Variants in PCDHGA5 observed in about 807,000 individuals in gnomAD.
The protein encoded by PCDHGA5 is protocadherin gamma-A5.
In PCDHGA5, 36 loss-of-function variants were observed where a neutral mutation model predicts 56.7. The ratio of observed to expected loss-of-function variants is 0.64; its 90% CI spans 0.49 to 0.84. PCDHGA5 has a LOEUF of 0.84. Among genes scored for constraint, PCDHGA5 ranks in the 40% least tolerant of loss-of-function variants. PCDHGA5 has a pLI of 0.00. For missense variants in PCDHGA5, 1,305 were observed against 1,201.5 expected (o/e 1.09, Z -1.27); for synonymous variants, 563 against 520.2 (o/e 1.08, Z -1.12).
At chr5:141,393,820 C>T (rs2092851099) in intron 1 of PCDHGA5, 1 of 1,613,918 alleles carries the variant, frequency 6.2e-7, no homozygotes, top group Non-Finnish European at 8.5e-7. Context: ...TTGCTCATTT[C>T]GGTGGAAGAT....
chr5:141,371,512 A>C, intron 1 of PCDHGA5: 2 of 1,613,868 alleles, frequency 1.2e-6, no homozygotes, highest in African/African-American at 2.7e-5. Flanking sequence ...AAAACACATG[A>C]TCTAGATTCT....
At chr5:141,467,704 C>T (rs2099149502) in intron 1 of PCDHGA5, among the ~76,000 whole-genome samples, 2 of 152,174 alleles carry the variant, frequency 1.3e-5, no homozygotes. Flanking sequence ...CTCTGTTGCC[C>T]AGGCTGGAGT....
Position 141,365,198 on chromosome 5 carries a change from G to A in PCDHGA5, c.868G>A (p.Glu290Lys). 1 of 1,613,856 alleles carries A rather than the reference G, an allele frequency of 6.2e-7. No individual in the cohort carries two copies. Among genetic ancestry groups the A allele is most frequent in the Non-Finnish European group, 8.5e-7 (1 of 1,179,888 alleles). ...SFRNEEEKIS[E>K]TFQLDSNLGE... ...TCGCAATGAAGAAGAAAAAATTTCG[G>A]AGACTTTCCAACTTGATTCCAACCT... is the stretch of plus-strand genomic sequence containing the variant. Residue 290 changes from glutamate (E) to lysine (K), a missense_variant, in exon 1 of 4, where the codon GAG (glutamate) becomes AAG (lysine). Coordinates refer to ENST00000518069, the MANE Select transcript of PCDHGA5 (RefSeq NM_018918.3).
At chr5:141,404,532 A>G in intron 1 of PCDHGA5, 1 of 1,613,918 alleles carries the variant, frequency 6.2e-7, no homozygotes, top group Non-Finnish European at 8.5e-7. Context: ...CAGTTTAGAG[A>G]TTTGCAAATG....
intron 1 of PCDHGA5, chr5:141,389,407 A>C: frequency 6.2e-7 from 1 of 1,613,616 alleles, no homozygotes; most frequent in Non-Finnish European, 8.5e-7. Flanking sequence ...ATAAGCGCGG[A>C]GAGCGGGGTG....
At chr5:141,483,918 T>G (rs2099588800) in intron 1 of PCDHGA5, among the ~76,000 whole-genome samples, 1 of 150,512 alleles carries the variant, frequency 6.6e-6, no homozygotes, top group Non-Finnish European at 1.5e-5. Flanking sequence ...CCACTCAGAT[T>G]GCAGGTCGTA....
rs771744120 is a variant in PCDHGA5 at position 141,485,876 on chromosome 5, G to A, written c.2422-8931G>A. ...AGAGCTCCGGGTATCCGTGCTGGAC[G>A]TAAACGACAACGCCCCAGCCTTCCA... On this transcript the variant is annotated intron_variant, in intron 1 of 3. Transcript: ENST00000518069. This position sits in a 1 kb window ranked among gnomAD's most constrained non-coding sequence, Gnocchi z 5.7. 1 of 1,614,174 alleles carries A rather than the reference G, an allele frequency of 6.2e-7. No homozygotes were observed. Among genetic ancestry groups the A allele is most frequent in the Non-Finnish European group, 8.5e-7 (1 of 1,180,030 alleles).
chr5:141,392,916 G>A, intron 1 of PCDHGA5: 1 of 1,613,936 alleles, frequency 6.2e-7, no homozygotes, highest in Non-Finnish European at 8.5e-7. Context: ...TCGCTACTCT[G>A]TGCCAGAAGA....
Position 141,364,793 on chromosome 5 carries a change from C to T in PCDHGA5, c.463C>T (p.Pro155Ser). ...GGCTGCAGGGACACGGTTAGTGCTTCCCTTCGCGCGGGATGCGGATGTGGG... is the reference window on the plus strand; with the variant it reads ...GGCTGCAGGGACACGGTTAGTGCTTTCCTTCGCGCGGGATGCGGATGTGGG... ...NAAAGTRLVL[P>S]FARDADVGVN... Residue 155 changes from proline (P) to serine (S), a missense_variant, in exon 1 of 4, where the codon CCC becomes TCC. Coordinates refer to ENST00000518069, the MANE Select transcript of PCDHGA5 (RefSeq NM_018918.3). 1 of 1,614,028 alleles carries T rather than the reference C, an allele frequency of 6.2e-7. No individual in the cohort carries two copies.
intron 1 of PCDHGA5, among the ~76,000 whole-genome samples, chr5:141,463,179 A>G (rs1261927835): frequency 6.6e-6 from 1 of 152,082 alleles, no homozygotes; most frequent in Non-Finnish European, 1.5e-5. Context: ...GTATGCTCAG[A>G]TTATTATTTA....
intron 1 of PCDHGA5, among the ~76,000 whole-genome samples, chr5:141,380,195 C>T (rs1248752838): frequency 6.6e-5 from 10 of 152,092 alleles, no homozygotes; most frequent in African/African-American, 2.4e-4. Flanking sequence ...CCACTGAGCC[C>T]GGCCTGAAAG....
chr5:141,379,512 A>C (rs1476847864), intron 1 of PCDHGA5: 1 of 152,258 alleles, frequency 6.6e-6, no homozygotes, highest in African/African-American at 2.4e-5. Context: ...GTTAAACTAC[A>C]TCTTGAGCAT....
intron 1 of PCDHGA5, chr5:141,383,853 G>C (rs942698942): frequency 1.2e-6 from 2 of 1,613,948 alleles, no homozygotes; most frequent in Middle Eastern, 3.3e-4. Flanking sequence ...ATGAAATGGA[G>C]GTTCAGGCTC....
chr5:141,510,954 T>G lies in PCDHGA5; in HGVS notation c.2577T>G (p.Ala859=), dbSNP rs774590102. The change falls in exon 4 of 4, where the codon GCT becomes GCG. Residue 859 remains alanine, a synonymous_variant. Coordinates refer to ENST00000518069, the MANE Select transcript of PCDHGA5 (RefSeq NM_018918.3). ...AMILASASEA[A]DGSSTLGGGA... ...CTTCCTCTGTCTCTGCAGAAGCTGC[T>G]GATGGGAGCTCCACCCTGGGAGGGG... is the stretch of plus-strand genomic sequence containing the variant. The G allele has an allele frequency of 3.1e-6, 5 of 1,614,162 alleles. No homozygotes were observed. The Admixed American group carries it at 8.3e-5, about 27-fold the overall frequency.
rs1236959966 is a variant in PCDHGA5, at chr5:141,511,984, G to C, written c.*811G>C. On this transcript the variant is annotated 3_prime_UTR_variant, in exon 4 of 4. Transcript: ENST00000518069. ...GGGAAGTGTGTGGATGTGGATGGTGGGGGCATGGACAAAGCTTGACACATC... is the reference window on the plus strand; with the variant it reads ...GGGAAGTGTGTGGATGTGGATGGTGCGGGCATGGACAAAGCTTGACACATC... 1 of 153,294 alleles carries C rather than the reference G, an allele frequency of 6.5e-6. No individual in the cohort carries two copies. Among genetic ancestry groups the C allele is most frequent in the African/African-American group, 2.4e-5 (1 of 41,452 alleles). 9.5% of individuals were successfully genotyped at this position (153,294 alleles called of 1,614,324 possible). A position where few individuals can be genotyped will look rare whatever the true frequency, so the allele number is the denominator to read the frequency against.
At chr5:141,467,672 A>T (rs1410623274) in intron 1 of PCDHGA5, among the ~76,000 whole-genome samples, 2 of 151,636 alleles carry the variant, frequency 1.3e-5, no homozygotes, top group Non-Finnish European at 2.9e-5. Context: ...GAAGATTTTT[A>T]TTTTTTTTAG....
intron 1 of PCDHGA5, chr5:141,388,778 A>T (rs2091485337): frequency 1.9e-6 from 3 of 1,613,826 alleles, no homozygotes. Context: ...ACACCGGGGA[A>T]ATTACTGTTT....
chr5:141,448,928 G>C (rs2098617520), intron 1 of PCDHGA5, among the ~76,000 whole-genome samples: 1 of 152,166 alleles, frequency 6.6e-6, no homozygotes, highest in Non-Finnish European at 1.5e-5. Context: ...CTGGGCGACA[G>C]AGCAAGACTG....
At chr5:141,492,197 TA>T (rs2099738125) in intron 1 of PCDHGA5, among the ~76,000 whole-genome samples, 1 of 152,200 alleles carries the variant, frequency 6.6e-6, no homozygotes, top group African/African-American at 2.4e-5. Flanking sequence ...CTGCGGGACT[TA>T]GGTGTGCGCG....
Sources: gnomAD v4.1 joint callset for allele counts (sites outside exome capture counted in the v4.1 genomes callset) on GRCh38, gnomAD v4.1.1 for gene constraint, Gnocchi (gnomAD v3.1) non-coding constraint, MANE v1.5 for transcripts, NCBI Gene and HGNC (gene_info 2026-07-23, HGNC 2026-07-21) for gene names.